HDAC8: variants seen among roughly 807,000 people sequenced by gnomAD.
HDAC8 encodes the protein histone deacetylase 8, also known as histone deacetylase-like 1.
HDAC8 carries 1 observed loss-of-function variant against 32.2 expected under a neutral mutation model. That is an observed-to-expected ratio of 0.03 (90% CI 0.01 to 0.15). HDAC8 has a LOEUF of 0.15. Among genes scored for constraint, HDAC8 ranks in the 10% least tolerant of loss-of-function variants. The probability of loss-of-function intolerance (pLI) is 1.00; values close to 1 mark genes in which losing one functional copy is unlikely to be tolerated. For missense variants in HDAC8, 117 were observed against 300.0 expected, an observed-to-expected ratio of 0.39 and a Z score of 4.51; for synonymous variants, 108 against 113.9, an observed-to-expected ratio of 0.95 and a Z score of 0.33.
intron 7 of HDAC8, among the ~76,000 whole-genome samples, chrX:72,485,752 G>A (rs2048651110): frequency 8.9e-6 from 1 of 111,945 alleles, no homozygotes. Flanking sequence ...TCTTATAAGT[G>A]AACCAGCAAT....
intron 4 of HDAC8, among the ~76,000 whole-genome samples, chrX:72,559,829 C>T (rs1306253655): frequency 9.1e-6 from 1 of 110,123 alleles, no homozygotes; most frequent in Non-Finnish European, 1.9e-5. Context: ...GCCCCTCCGC[C>T]CAGCAGCTGC....
intron 4 of HDAC8, among the ~76,000 whole-genome samples, chrX:72,505,089 T>G (rs909064919): frequency 3.9e-4 from 43 of 110,976 alleles, no homozygotes; most frequent in Non-Finnish European, 7.2e-4. Flanking sequence ...AAAAATTTTT[T>G]AATTTTTTTT....
At chrX:72,515,583 T>G (rs1245021717) in intron 4 of HDAC8, among the ~76,000 whole-genome samples, 2 of 6,905 alleles carry the variant, frequency 2.9e-4, no homozygotes, top group Admixed American at 4.1e-3. Context: ...TCTTTCAGTG[T>G]GTGTGGGGGG....
At chrX:72,465,267 T>A (rs1220149347) in intron 7 of HDAC8, among the ~76,000 whole-genome samples, 1 of 111,364 alleles carries the variant, frequency 9.0e-6, no homozygotes, top group Non-Finnish European at 1.9e-5. Context: ...AATGCAATCC[T>A]CCCTAATGCA....
intron 7 of HDAC8, among the ~76,000 whole-genome samples, chrX:72,482,651 TC>T (rs1240803161): frequency 2.7e-5 from 3 of 111,221 alleles, no homozygotes; most frequent in Non-Finnish European, 5.7e-5. Context: ...TTCCAAGAAG[TC>T]CCAGGGATGG....
chrX:72,480,526 AC>A, intron 7 of HDAC8: 1 of 288,215 alleles, frequency 3.5e-6, no homozygotes, highest in Non-Finnish European at 6.7e-6. Context: ...TACCAGAAAT[AC>A]CATCTGACCC....
chrX:72,333,200 C>T (rs2043580909), intron 10 of HDAC8, among the ~76,000 whole-genome samples: 1 of 111,509 alleles, frequency 9.0e-6, no homozygotes, highest in African/African-American at 3.3e-5. Flanking sequence ...ACGCCTTCTC[C>T]ACATCTTATG....
At chrX:72,448,187 C>A (rs1429184261) in intron 9 of HDAC8, among the ~76,000 whole-genome samples, 1 of 111,887 alleles carries the variant, frequency 8.9e-6, no homozygotes. Flanking sequence ...TCAAACAATA[C>A]TACAAGGCTA....
At chrX:72,438,711 T>G (rs1295216179) in intron 9 of HDAC8, among the ~76,000 whole-genome samples, 1 of 110,299 alleles carries the variant, frequency 9.1e-6, no homozygotes, top group African/African-American at 3.3e-5. Flanking sequence ...AGACAGGATA[T>G]CAGAGATTGA....
intron 4 of HDAC8, among the ~76,000 whole-genome samples, chrX:72,517,221 T>A (rs973074480): frequency 1.1e-4 from 12 of 111,706 alleles, no homozygotes; most frequent in South Asian, 3.7e-4. Flanking sequence ...CCATTTATAT[T>A]TTTTTTTGGA....
chrX:72,440,543 G>T (rs2047098482), intron 9 of HDAC8, among the ~76,000 whole-genome samples: 1 of 112,233 alleles, frequency 8.9e-6, no homozygotes, highest in South Asian at 3.7e-4. Flanking sequence ...CCATGAGCTG[G>T]TTTTTTGAAA....
intron 7 of HDAC8, among the ~76,000 whole-genome samples, chrX:72,473,123 G>T (rs956435078): frequency 8.9e-6 from 1 of 112,414 alleles, no homozygotes; most frequent in African/African-American, 3.2e-5. Flanking sequence ...TGTCTTTAGA[G>T]AACACTTAAT....
chrX:72,520,181 G>A (rs782390336), intron 4 of HDAC8, among the ~76,000 whole-genome samples: 17 of 111,521 alleles, frequency 1.5e-4, no homozygotes, highest in Admixed American at 3.8e-4. Context: ...CCTAACCAGC[G>A]TCTCAAAAAT....
At chrX:72,549,518 A>G (rs1245972156) in intron 4 of HDAC8, among the ~76,000 whole-genome samples, 1 of 111,503 alleles carries the variant, frequency 9.0e-6, no homozygotes, top group African/African-American at 3.3e-5. Flanking sequence ...CCTAGGTTCC[A>G]TCTCAGACCT....
intron 10 of HDAC8, among the ~76,000 whole-genome samples, chrX:72,335,928 TAACAACAAC>T (rs1205579004): frequency 3.9e-5 from 4 of 103,505 alleles, no homozygotes; most frequent in Non-Finnish European, 5.9e-5. Context: ...AAAAAAAAAT[TAACAACAAC>T]AACAACAACA....
chrX:72,344,630 C>G (rs1555946303), intron 10 of HDAC8, among the ~76,000 whole-genome samples: 1 of 112,005 alleles, frequency 8.9e-6, no homozygotes, highest in Non-Finnish European at 1.9e-5. Flanking sequence ...GAGAACACAT[C>G]AAGTATATGT....
chrX:72,440,614 C>T (rs183853971), intron 9 of HDAC8, among the ~76,000 whole-genome samples: 3 of 111,903 alleles, frequency 2.7e-5, no homozygotes, highest in Non-Finnish European at 3.8e-5. Flanking sequence ...ACGCAGAAGA[C>T]GGGTGATTTC....
intron 4 of HDAC8, among the ~76,000 whole-genome samples, chrX:72,564,747 G>T (rs1465968255): frequency 9.0e-6 from 1 of 111,420 alleles, no homozygotes; most frequent in Non-Finnish European, 1.9e-5. Context: ...TTGTTGGGGT[G>T]GGGGGTGTAC....
chrX:72,359,389 A>G (rs2044471993), intron 9 of HDAC8, among the ~76,000 whole-genome samples: 1 of 111,326 alleles, frequency 9.0e-6, no homozygotes, highest in South Asian at 3.9e-4. Flanking sequence ...GAACAGATTC[A>G]CATCCAGTAG....
Sources: allele counts gnomAD v4.1 joint callset (sites outside exome capture counted in the v4.1 genomes callset), GRCh38; gene constraint gnomAD v4.1.1; transcripts MANE v1.5; gene names NCBI Gene and HGNC (gene_info 2026-07-23, HGNC 2026-07-21).